PDE4C: variants seen among roughly 807,000 people sequenced by gnomAD.
PDE4C encodes the protein 3',5'-cyclic-AMP phosphodiesterase 4C.
In PDE4C, 50 loss-of-function variants were observed where a neutral mutation model predicts 63.9. That is an observed-to-expected ratio of 0.78 (90% confidence interval 0.62 to 0.99). The LOEUF is 0.99. Among genes scored for constraint, PDE4C ranks in the 50% least tolerant of loss-of-function variants. The pLI is 0.00. For missense variants in PDE4C, 777 were observed against 899.1 expected (o/e 0.86, Z 1.74); for synonymous variants, 377 against 385.1 (o/e 0.98, Z 0.25).
At chr19:18,246,245 A>T (rs1425202950) in intron 1 of PDE4C, among the ~76,000 whole-genome samples, 1 of 144,958 alleles carries the variant, frequency 6.9e-6, no homozygotes, top group Non-Finnish European at 1.5e-5. Flanking sequence ...GTGCAGTGGC[A>T]TGATCACGGT....
At chr19:18,226,522 C>A (rs1968734448), upstream of PDE4C, 1 of 872,504 alleles carries the variant, frequency 1.1e-6, no homozygotes, top group Non-Finnish European at 1.5e-6. Context: ...CGCATCGGCC[C>A]CGCCTCGAGG....
At chr19:18,228,396 G>A (rs189948024), upstream of PDE4C, among the ~76,000 whole-genome samples, 20 of 152,152 alleles carry the variant, frequency 1.3e-4, no homozygotes, top group Non-Finnish European at 2.9e-5. Context: ...ACAAAGTGTG[G>A]ACTACTATTC....
In PDE4C at chr19:18,226,013, G is replaced by T. The variant is rs567896284; in HGVS notation, c.146+257C>A. On this transcript the variant is annotated intron_variant, in intron 1 of 14. Transcript: ENST00000262805. ...ACAGCTGGAAGGAGACAGACGGCTG[G>T]TCCCCTGGGCCTATATCCAGGCGGC... Among the ~76,000 whole-genome samples the T allele has an allele frequency of 7.2e-5, 11 of 152,360 alleles. No individual in the cohort carries two copies. In the South Asian group the frequency reaches 2.3e-3, roughly 32 times the overall value.
upstream of PDE4C, among the ~76,000 whole-genome samples, chr19:18,229,442 T>C (rs1365111173): frequency 6.6e-6 from 1 of 152,126 alleles, no homozygotes; most frequent in Non-Finnish European, 1.5e-5. Flanking sequence ...GGTTTCACCA[T>C]GTTGGCCAGG....
chr19:18,246,118 C>T (rs1226859830), intron 1 of PDE4C, among the ~76,000 whole-genome samples: 2 of 150,258 alleles, frequency 1.3e-5, no homozygotes, highest in Admixed American at 6.7e-5. Flanking sequence ...CGGGTTCAAG[C>T]GATCCTCCTG....
chr19:18,226,539 G>T, upstream of PDE4C: 1 of 628,928 alleles, frequency 1.6e-6, no homozygotes, highest in Middle Eastern at 4.7e-4. Flanking sequence ...GAGGCCGGCG[G>T]CTCCCTGACG....
In PDE4C at chr19:18,220,308, G is replaced by T. The variant is rs775062369; in HGVS notation, c.624C>A (p.Ile208=). The T allele has an allele frequency of 1.2e-6, 2 of 1,614,176 alleles. No individual in the cohort carries two copies. Among genetic ancestry groups the T allele is most frequent in the South Asian group, 1.1e-5 (1 of 91,086 alleles). The change falls in exon 7 of 15, where the codon ATC becomes ATA. Residue 208 remains isoleucine (I), a synonymous_variant. Coordinates refer to ENST00000262805, the Ensembl canonical transcript of PDE4C. This position sits in a 1 kb window ranked among gnomAD's most constrained non-coding sequence, Gnocchi z 5.1. ...ACAGGTGGGTCAACTCCCGGTTCAG[G>T]ATCCGCTTGAACTGGGGCGGAGAGA...
chr19:18,211,327 T>C, intron 14 of PDE4C, 51 bp from the exon 15 acceptor site: 1 of 1,447,098 alleles, frequency 6.9e-7, no homozygotes, highest in Non-Finnish European at 9.3e-7. Context: ...CAGTGAACCC[T>C]AGACTCAATC....
chr19:18,230,032 C>A (rs934205972), upstream of PDE4C, among the ~76,000 whole-genome samples: 1 of 152,156 alleles, frequency 6.6e-6, no homozygotes. Flanking sequence ...GTTAGAGTCA[C>A]CTCCTCCGAG....
chr19:18,244,899 G>A (rs10416136), intron 1 of PDE4C, among the ~76,000 whole-genome samples: 108,099 of 151,000 alleles, frequency 0.72, 39,008 homozygotes, highest in East Asian at 0.87. Flanking sequence ...GCAGTGGCGC[G>A]ATATTGTCTC....
chr19:18,213,620 A>G (rs1249608337), intron 12 of PDE4C, 130 bp from the exon 13 acceptor site: 2 of 1,063,476 alleles, frequency 1.9e-6, no homozygotes, highest in Non-Finnish European at 2.6e-6. Context: ...TGTGAAATGG[A>G]AGGATGCAAC....
chr19:18,238,940 G>T (rs924421482), intron 1 of PDE4C, among the ~76,000 whole-genome samples: 1 of 150,952 alleles, frequency 6.6e-6, no homozygotes, highest in East Asian at 1.9e-4. Flanking sequence ...GCAGTGAGTG[G>T]AGACCACACC....
At chr19:18,252,376 G>A (rs551199140), upstream of PDE4C, 5 of 399,186 alleles carry the variant, frequency 1.3e-5, no homozygotes, top group South Asian at 6.4e-4. Context: ...TAGGATTTGG[G>A]GGGTTCCCCT....
At chr19:18,232,366 A>C (rs1368268405) in intron 1 of PDE4C, among the ~76,000 whole-genome samples, 1 of 147,692 alleles carries the variant, frequency 6.8e-6, no homozygotes, top group African/African-American at 2.6e-5. Flanking sequence ...CTGTCTCAAA[A>C]ATAAAAACGT....
chr19:18,230,509 A>G (rs1968826202), upstream of PDE4C, among the ~76,000 whole-genome samples: 1 of 152,174 alleles, frequency 6.6e-6, no homozygotes, highest in Non-Finnish European at 1.5e-5. Flanking sequence ...CATCTAAAAA[A>G]TAATAAATAA....
chr19:18,208,479 C>CGCCGTGT (rs1967784448), downstream of PDE4C: 1 of 151,518 alleles, frequency 6.6e-6, no homozygotes, highest in Non-Finnish European at 1.5e-5. Flanking sequence ...GACCCACCCC[C>CGCCGTGT]CAACCCCCGA....
Position 18,220,671 on chromosome 19 carries a change from T to A in PDE4C, c.500-156A>T. ...GTTCCAGATCTGTTCCCCGAGTGCC[T>A]GTGTGACCATGAGATCTCTGGGCCT... On this transcript the variant is annotated intron_variant, in intron 5 of 14. Transcript: ENST00000262805. This position sits in a 1 kb window ranked among gnomAD's most constrained non-coding sequence, Gnocchi z 5.1. 2 of 787,058 alleles carry A rather than the reference T, an allele frequency of 2.5e-6. No individual in the cohort carries two copies. Among genetic ancestry groups the A allele is most frequent in the Non-Finnish European group, 4.1e-6 (2 of 483,688 alleles). 48.8% of individuals were successfully genotyped at this position (787,058 alleles called of 1,614,324 possible). A position where few individuals can be genotyped will look rare whatever the true frequency, so the allele number is the denominator to read the frequency against.
exon 1 of PDE4C, chr19:18,233,596 G>C: frequency 6.3e-6 from 3 of 473,792 alleles, no homozygotes; most frequent in South Asian, 4.7e-5. Flanking sequence ...GGAGGGCAGG[G>C]AGACAGGGTC....
chr19:18,246,835 G>C (rs540160238), intron 1 of PDE4C, among the ~76,000 whole-genome samples: 8 of 152,282 alleles, frequency 5.3e-5, no homozygotes, highest in South Asian at 2.1e-4. Context: ...GCTGAGGGAG[G>C]AGAATCACTT....
Sources: allele counts gnomAD v4.1 joint callset (sites outside exome capture counted in the v4.1 genomes callset), GRCh38; gene constraint gnomAD v4.1.1; non-coding constraint Gnocchi (gnomAD v3.1); transcripts MANE v1.5; gene names NCBI Gene and HGNC (gene_info 2026-07-23, HGNC 2026-07-21).